TGFB2: variants seen among roughly 807,000 people sequenced by gnomAD.
The protein encoded by TGFB2 is transforming growth factor beta-2 proprotein.
A neutral mutation model predicts 42.7 loss-of-function variants in TGFB2; 13 were observed. The observed-to-expected ratio is 0.30, with a 90% confidence interval of 0.20 to 0.48. The LOEUF is 0.48. Ranked by LOEUF, TGFB2 falls within the 20% of genes least tolerant of loss-of-function variation. The probability of loss-of-function intolerance (pLI) is 0.99; values close to 1 mark genes in which losing one functional copy is unlikely to be tolerated. For synonymous variants in TGFB2, 193 were observed against 193.6 expected (o/e 1.00, Z 0.03); for missense variants, 390 against 517.5 (o/e 0.75, Z 2.39).
intron 2 of TGFB2, among the ~76,000 whole-genome samples, chr1:218,433,627 G>A (rs1006177998): frequency 6.6e-6 from 1 of 152,218 alleles, no homozygotes; most frequent in Non-Finnish European, 1.5e-5. Flanking sequence ...ATTAGAAGGA[G>A]ATTTATAATT....
intron 2 of TGFB2, among the ~76,000 whole-genome samples, chr1:218,424,877 G>A (rs2102616300): frequency 1.3e-5 from 2 of 152,332 alleles, no homozygotes; most frequent in Middle Eastern, 3.4e-3. Flanking sequence ...ACATTTGACA[G>A]GTTCTGTATA....
At chr1:218,371,346 A>G (rs372137991) in intron 1 of TGFB2, among the ~76,000 whole-genome samples, 2 of 151,778 alleles carry the variant, frequency 1.3e-5, no homozygotes, top group African/African-American at 4.8e-5. Context: ...GAAAAGAAAA[A>G]CTTTCTGTTT....
At chr1:218,386,091 T>G (rs1452186425) in intron 1 of TGFB2, among the ~76,000 whole-genome samples, 1 of 152,154 alleles carries the variant, frequency 6.6e-6, no homozygotes, top group Non-Finnish European at 1.5e-5. Context: ...TGGGCTGTTC[T>G]GAGATTTATC....
chr1:218,352,704 C>T (rs980365552), intron 1 of TGFB2, among the ~76,000 whole-genome samples: 1 of 152,182 alleles, frequency 6.6e-6, no homozygotes, highest in Non-Finnish European at 1.5e-5. Context: ...CCTGAATTGG[C>T]TTGGTGGTCT....
chr1:218,355,829 C>T (rs971680254), intron 1 of TGFB2, among the ~76,000 whole-genome samples: 2 of 152,172 alleles, frequency 1.3e-5, no homozygotes, highest in Non-Finnish European at 2.9e-5. Flanking sequence ...TTAGTTATAA[C>T]ATTAACTAAA....
intron 1 of TGFB2, among the ~76,000 whole-genome samples, chr1:218,371,806 T>C (rs1406010381): frequency 1.3e-5 from 2 of 152,248 alleles, no homozygotes; most frequent in Non-Finnish European, 2.9e-5. Flanking sequence ...CTGTTTCTTA[T>C]CTGTCTTGTG....
chr1:218,390,250 G>GT (rs1254250507), intron 1 of TGFB2, among the ~76,000 whole-genome samples: 9 of 151,118 alleles, frequency 6.0e-5, no homozygotes, highest in African/African-American at 1.7e-4. Context: ...AACCACCTGA[G>GT]TTTTTTTTGC....
chr1:218,352,314 C>T (rs1279421558), intron 1 of TGFB2, among the ~76,000 whole-genome samples: 1 of 152,158 alleles, frequency 6.6e-6, no homozygotes, highest in Non-Finnish European at 1.5e-5. Context: ...AGCGCTTCTG[C>T]TCAAGGGTGG....
intron 2 of TGFB2, among the ~76,000 whole-genome samples, chr1:218,418,773 G>A (rs12405805): frequency 0.1 from 15,363 of 152,066 alleles, 1,051 homozygotes; most frequent in African/African-American, 0.18. Flanking sequence ...ATCATGATAA[G>A]TCTCATGATA....
intron 1 of TGFB2, among the ~76,000 whole-genome samples, chr1:218,376,812 A>G (rs896548672): frequency 6.6e-6 from 1 of 152,246 alleles, no homozygotes; most frequent in African/African-American, 2.4e-5. Flanking sequence ...CCCTGCACAA[A>G]GCAGAAAAAT....
At chr1:218,431,040 G>C (rs1028840208) in intron 2 of TGFB2, among the ~76,000 whole-genome samples, 1 of 152,156 alleles carries the variant, frequency 6.6e-6, no homozygotes, top group Admixed American at 6.5e-5. Context: ...TGCAACAAGT[G>C]GGTTAAGAAC....
At chr1:218,431,726 T>TTCTG (rs1659812702) in intron 2 of TGFB2, among the ~76,000 whole-genome samples, 1 of 152,168 alleles carries the variant, frequency 6.6e-6, no homozygotes, top group Admixed American at 6.5e-5. Flanking sequence ...AAACGATGAG[T>TTCTG]TCTGTGAATG....
At position 218,346,559 on chromosome 1, in the gene TGFB2, T is replaced by C; in HGVS notation, c.-143T>C. 1.5e-6 allele frequency: 1 copy of C among 674,738 alleles called. No individual in the cohort carries two copies. The highest frequency in any genetic ancestry group is 2.8e-5 in the East Asian group (1 of 35,384). The allele number at this position is 674,738 out of a possible 1,614,324, so 41.8% of individuals were successfully genotyped here. On this transcript the variant is annotated 5_prime_UTR_variant, in exon 1 of 7. Coordinates refer to ENST00000366930, the MANE Select transcript of TGFB2 (RefSeq NM_003238.6). This position sits in a 1 kb window ranked among gnomAD's most constrained non-coding sequence, Gnocchi z 4.9. Reference sequence around the variant, plus strand: ...ATACGTTTTTCTGTTGGGCATTGACTAGATTGTTTGCAAAAGTTTCGCATC... The same window carrying C: ...ATACGTTTTTCTGTTGGGCATTGACCAGATTGTTTGCAAAAGTTTCGCATC...
intron 1 of TGFB2, among the ~76,000 whole-genome samples, chr1:218,349,344 A>G (rs571354741): frequency 6.6e-6 from 1 of 152,316 alleles, no homozygotes; most frequent in East Asian, 1.9e-4. Context: ...CTTCCAAAAA[A>G]AAGGAAAAAA....
At chr1:218,386,985 C>G (rs746626387) in intron 1 of TGFB2, among the ~76,000 whole-genome samples, 2 of 152,118 alleles carry the variant, frequency 1.3e-5, no homozygotes, top group Non-Finnish European at 1.5e-5. Context: ...CCTAAAGAGG[C>G]CACTATAATA....
intron 2 of TGFB2, among the ~76,000 whole-genome samples, chr1:218,426,918 TC>T (rs1393315650): frequency 6.6e-6 from 1 of 152,222 alleles, no homozygotes; most frequent in Non-Finnish European, 1.5e-5. Context: ...CCAATCCATG[TC>T]ATTTTGTTTT....
intron 1 of TGFB2, among the ~76,000 whole-genome samples, chr1:218,384,969 A>G (rs545249567): frequency 6.6e-6 from 1 of 152,292 alleles, no homozygotes; most frequent in Admixed American, 6.5e-5. Context: ...TGCCACAATG[A>G]TGTCACATAA....
chr1:218,419,840 T>TA (rs1331485029), intron 2 of TGFB2, among the ~76,000 whole-genome samples: 3 of 152,162 alleles, frequency 2.0e-5, no homozygotes, highest in Admixed American at 1.3e-4. Context: ...ACCATGTAGG[T>TA]AAAAAAATAA....
At chr1:218,382,135 G>C (rs1018611885) in intron 1 of TGFB2, among the ~76,000 whole-genome samples, 3 of 151,998 alleles carry the variant, frequency 2.0e-5, no homozygotes, top group African/African-American at 7.2e-5. Flanking sequence ...AAGTATTTTT[G>C]TGAAAATTAA....
Sources: allele counts gnomAD v4.1 joint callset (sites outside exome capture counted in the v4.1 genomes callset), GRCh38; gene constraint gnomAD v4.1.1; non-coding constraint Gnocchi (gnomAD v3.1); transcripts MANE v1.5; gene names NCBI Gene and HGNC (gene_info 2026-07-23, HGNC 2026-07-21).